GATAD2B: variants seen among roughly 807,000 people sequenced by gnomAD.
GATAD2B encodes the protein transcriptional repressor p66-beta.
In GATAD2B, 8 loss-of-function variants were observed where a neutral mutation model predicts 64.3. The observed-to-expected ratio is 0.12, with a 90% confidence interval of 0.07 to 0.22. The LOEUF (loss-of-function observed/expected upper bound fraction) is 0.22. GATAD2B is among the 10% of genes least tolerant of loss of function. The pLI is 1.00. For missense variants in GATAD2B, 453 were observed against 752.0 expected, an observed-to-expected ratio of 0.60 and a Z score of 4.65; for synonymous variants, 281 against 271.3, an observed-to-expected ratio of 1.04 and a Z score of -0.35.
Position 153,818,107 on chromosome 1 carries a change from C to T in GATAD2B, c.662G>A (p.Gly221Asp), listed in dbSNP as rs1216239421. ...QPSPAHVGQQ[G>D]LSKLPSRPGA... ...AGGCCGAGAGGGAAGCTTAGATAGG[C>T]CCTGCTGTCCCACATGGGCAGGAGA... The change falls in exon 5 of 11, where the codon GGC becomes GAC. Residue 221 changes from glycine (G) to aspartate (D), a missense_variant. Gly to Asp is a moderately conservative substitution (Grantham distance 94). This residue lies in a region of GATAD2B where 293 missense variants were observed against 417.2 expected (regional missense o/e 0.70). Coordinates refer to ENST00000368655, the MANE Select transcript of GATAD2B (RefSeq NM_020699.4). 2.5e-6 allele frequency: 4 copies of T among 1,613,104 alleles called. No individual in the cohort carries two copies. The highest frequency in any genetic ancestry group is 3.4e-6 in the Non-Finnish European group (4 of 1,179,340).
chr1:153,893,827 A>T (rs545083672), intron 1 of GATAD2B, among the ~76,000 whole-genome samples: 1 of 151,364 alleles, frequency 6.6e-6, no homozygotes, highest in East Asian at 2.0e-4. Flanking sequence ...GCATCGTGGC[A>T]GGTGCCCGTA....
rs145144099 is a variant in GATAD2B, at chr1:153,909,253, G to A, written c.-2+13480C>T. On this transcript the variant is annotated intron_variant, in intron 1 of 10. Coordinates refer to ENST00000368655, the MANE Select transcript of GATAD2B (RefSeq NM_020699.4). ...TTTTGACACGGAGTCTTGCTCTGTC[G>A]CCCAGGCTGGAGTACAGTGGCGCAA... is the stretch of plus-strand genomic sequence containing the variant. 2.0e-3 allele frequency among the ~76,000 whole-genome samples: 304 copies of A among 151,350 alleles called. 2 individuals are homozygous for A. The highest frequency in any genetic ancestry group is 6.9e-3 in the African/African-American group (285 of 41,266).
At chr1:153,904,279 C>CGAAT (rs780325859) in intron 1 of GATAD2B, among the ~76,000 whole-genome samples, 14 of 147,246 alleles carry the variant, frequency 9.5e-5, no homozygotes, top group Non-Finnish European at 2.1e-4. Flanking sequence ...AACTCCATCT[C>CGAAT]AAATAAATAA....
At chr1:153,828,441 C>G in intron 1 of GATAD2B, 93 bp from the exon 2 acceptor site, 1 of 757,024 alleles carries the variant, frequency 1.3e-6, no homozygotes, top group Non-Finnish European at 2.1e-6. Flanking sequence ...TAACAAGAAT[C>G]TCTCTCTCAC....
At chr1:153,861,862 A>ATG (rs1676305601) in intron 1 of GATAD2B, among the ~76,000 whole-genome samples, 1 of 146,080 alleles carries the variant, frequency 6.8e-6, no homozygotes, top group South Asian at 2.1e-4. Context: ...ATATGTATAT[A>ATG]TGTATATATA....
intron 1 of GATAD2B, among the ~76,000 whole-genome samples, chr1:153,832,308 A>G (rs1404559748): frequency 6.6e-6 from 1 of 152,252 alleles, no homozygotes; most frequent in Non-Finnish European, 1.5e-5. Flanking sequence ...AAATAATGGC[A>G]AAGTGCAAAG....
intron 1 of GATAD2B, among the ~76,000 whole-genome samples, chr1:153,913,371 T>C (rs1678163991): frequency 6.6e-6 from 1 of 152,184 alleles, no homozygotes; most frequent in Non-Finnish European, 1.5e-5. Context: ...AGAGAAACAA[T>C]GGTGAGTTTT....
chr1:153,841,773 G>A (rs1675504767), intron 1 of GATAD2B, among the ~76,000 whole-genome samples: 1 of 152,166 alleles, frequency 6.6e-6, no homozygotes, highest in Middle Eastern at 3.2e-3. Context: ...AGTTTTTGTA[G>A]AAAAGTTTTC....
intron 1 of GATAD2B, among the ~76,000 whole-genome samples, chr1:153,903,677 T>G (rs1677845094): frequency 1.3e-5 from 2 of 152,198 alleles, no homozygotes; most frequent in Admixed American, 6.6e-5. Context: ...TGCCTAAATA[T>G]TCTTTCCCAA....
intron 1 of GATAD2B, among the ~76,000 whole-genome samples, chr1:153,847,191 T>A (rs1642666731): frequency 6.6e-6 from 1 of 152,034 alleles, no homozygotes; most frequent in African/African-American, 2.4e-5. Flanking sequence ...GGTCTTGAAC[T>A]CCTGGCCTCA....
chr1:153,812,247 C>A (rs1291808933), intron 8 of GATAD2B, 115 bp from the exon 9 acceptor site: 5 of 624,006 alleles, frequency 8.0e-6, no homozygotes, highest in Non-Finnish European at 1.1e-5. Flanking sequence ...CCAGGCTGGT[C>A]TGGCACTCCT....
intron 1 of GATAD2B, chr1:153,852,597 T>C (rs1675940228): frequency 1.3e-6 from 1 of 779,952 alleles, no homozygotes. Flanking sequence ...AATTTTCTGA[T>C]TGGCACTATG....
intron 1 of GATAD2B, among the ~76,000 whole-genome samples, chr1:153,906,245 C>T (rs1479199915): frequency 1.3e-5 from 2 of 151,764 alleles, no homozygotes; most frequent in Non-Finnish European, 2.9e-5. Flanking sequence ...TGGTGAAACC[C>T]CATCTCTACT....
chr1:153,832,837 C>T (rs547147400), intron 1 of GATAD2B, among the ~76,000 whole-genome samples: 1 of 152,258 alleles, frequency 6.6e-6, no homozygotes, highest in African/African-American at 2.4e-5. Context: ...TCAGTGTCTA[C>T]TGTTTTCATC....
chr1:153,830,115 C>T (rs1041207227), intron 1 of GATAD2B, among the ~76,000 whole-genome samples: 42 of 151,962 alleles, frequency 2.8e-4, no homozygotes, highest in African/African-American at 1.0e-3. Context: ...AAAACAAGAC[C>T]AAAAAATGAA....
At chr1:153,819,475 C>A in intron 3 of GATAD2B, 131 bp downstream of exon 3, 1 of 631,886 alleles carries the variant, frequency 1.6e-6, no homozygotes, top group East Asian at 2.9e-5. Context: ...TCAAGAGTTA[C>A]TATAAAGTTT....
intron 1 of GATAD2B, among the ~76,000 whole-genome samples, chr1:153,877,642 C>CTGAGG (rs1676878870): frequency 6.6e-6 from 1 of 152,034 alleles, no homozygotes; most frequent in South Asian, 2.1e-4. Context: ...CTTTGGGAGG[C>CTGAGG]TGAGGTGGGG....
chr1:153,829,166 T>C (rs1674991055), intron 1 of GATAD2B, among the ~76,000 whole-genome samples: 1 of 152,036 alleles, frequency 6.6e-6, no homozygotes, highest in African/African-American at 2.4e-5. Flanking sequence ...ATCGTACCAC[T>C]GAACTCCAGC....
intron 1 of GATAD2B, chr1:153,852,387 A>G (rs879392625): frequency 3.8e-5 from 31 of 814,272 alleles, no homozygotes; most frequent in Admixed American, 2.8e-4. Context: ...GCTTGGCCTG[A>G]CCTTGGATGT....
Sources: allele counts gnomAD v4.1 joint callset (sites outside exome capture counted in the v4.1 genomes callset), GRCh38; gene constraint gnomAD v4.1.1; regional missense constraint gnomAD v4.1.1; transcripts MANE v1.5; gene names NCBI Gene and HGNC (gene_info 2026-07-23, HGNC 2026-07-21).